The following NECAB2 variants were observed in gnomAD, a reference collection of about 807,000 sequenced individuals.
The protein encoded by NECAB2 is N-terminal EF-hand calcium binding protein 2.
NECAB2 carries 68 observed loss-of-function variants against 51.9 expected under a neutral mutation model. That is an observed-to-expected ratio of 1.31 (90% CI 1.08 to 1.60). The LOEUF is 1.60. Ranked by LOEUF, NECAB2 falls within the 40% of genes most tolerant of loss-of-function variation. The pLI is 0.00. For missense variants in NECAB2, 854 were observed against 490.3 expected (o/e 1.74, Z -7.00); for synonymous variants, 329 against 203.5 (o/e 1.62, Z -5.25).
At position 83,998,337 on chromosome 16, in the gene NECAB2, G is replaced by T. The variant is rs374185082; in HGVS notation, c.962+20G>T. On this transcript the variant is annotated intron_variant, in intron 10 of 12. Transcript: ENST00000305202. ...CTTCCAGTGAGTGAGCTGCCGAGGC[G>T]TGGGTGGGATGGTGGCAGGGAGCTC... is the stretch of plus-strand genomic sequence containing the variant. 1.9e-6 allele frequency: 3 copies of T among 1,609,492 alleles called. No homozygotes were observed. Among genetic ancestry groups the T allele is most frequent in the Non-Finnish European group, 2.5e-6 (3 of 1,177,396 alleles).
Position 83,997,244 on chromosome 16 carries a change from T to C in NECAB2, c.824T>C (p.Leu275Pro), listed in dbSNP as rs561273293. 5.6e-6 allele frequency: 9 copies of C among 1,614,130 alleles called. No homozygotes were observed. Among genetic ancestry groups the C allele is most frequent in the African/African-American group, 2.7e-5 (2 of 75,042 alleles). The stretch of plus-strand genomic sequence containing the variant: ...CTGTGGTTCGACCTGCAGCAGCGCC[T>C]GTCAGATGAAGATGGCACCAACATG... The part of the protein sequence containing the change: ...KALWFDLQQR[L>P]SDEDGTNMHL... Residue 275 changes from leucine (L) to proline (P), a missense_variant, in exon 9 of 13, where the codon CTG (leucine) becomes CCG (proline). Coordinates refer to ENST00000305202, the MANE Select transcript of NECAB2 (RefSeq NM_019065.3).
At chr16:83,989,645 A>C (rs1441819845) in intron 5 of NECAB2, among the ~76,000 whole-genome samples, 1 of 152,042 alleles carries the variant, frequency 6.6e-6, no homozygotes, top group East Asian at 1.9e-4. Context: ...CATCATTTTC[A>C]TCATCCCGTC....
At chr16:83,988,192 C>CT (rs1181048145) in intron 5 of NECAB2, among the ~76,000 whole-genome samples, 1 of 152,070 alleles carries the variant, frequency 6.6e-6, no homozygotes, top group Admixed American at 6.6e-5. Context: ...TTCGGGCCAC[C>CT]TTTTTTATTA....
chr16:83,969,451 C>G (rs2084325056), intron 1 of NECAB2, among the ~76,000 whole-genome samples: 1 of 152,074 alleles, frequency 6.6e-6, no homozygotes, highest in Non-Finnish European at 1.5e-5. Context: ...CAGCCCTGAG[C>G]TGGTACCCCT....
At chr16:84,000,615 A>T in intron 10 of NECAB2, 109 bp from the exon 11 acceptor site, 1 of 782,700 alleles carries the variant, frequency 1.3e-6, no homozygotes, top group Non-Finnish European at 2.1e-6. Flanking sequence ...AGAAACATTG[A>T]AGGCAGCCGT....
intron 2 of NECAB2, among the ~76,000 whole-genome samples, chr16:83,977,752 C>G (rs1255684839): frequency 2.0e-5 from 3 of 152,204 alleles, no homozygotes; most frequent in Non-Finnish European, 2.9e-5. Flanking sequence ...TCATGCCGGC[C>G]ATTGGCAGCC....
chr16:83,976,082 C>A (rs190088406), intron 2 of NECAB2, among the ~76,000 whole-genome samples: 1 of 152,236 alleles, frequency 6.6e-6, no homozygotes, highest in East Asian at 1.9e-4. Context: ...GCAGAGGGGG[C>A]CCAAGGTACC....
At chr16:83,998,841 G>C (rs189298894) in intron 10 of NECAB2, among the ~76,000 whole-genome samples, 105 of 152,270 alleles carry the variant, frequency 6.9e-4, no homozygotes, top group Non-Finnish European at 1.3e-3. Flanking sequence ...CGGGGCAAGC[G>C]GCCTTACCTT....
At position 83,990,397 on chromosome 16, in the gene NECAB2, C is replaced by T. The variant is rs1597214675; in HGVS notation, c.460-97C>T. ...CTCCCTTCCCTTTGCAAAGCAAATT[C>T]ACCAGCACCAGCTTTCCCCCAACTC... is the stretch of plus-strand genomic sequence containing the variant. On this transcript the variant is annotated intron_variant, in intron 5 of 12. Coordinates refer to ENST00000305202, the MANE Select transcript of NECAB2 (RefSeq NM_019065.3). 11 of 1,489,832 alleles carry T rather than the reference C, an allele frequency of 7.4e-6. No homozygotes were observed. In the East Asian group the frequency reaches 2.5e-4, roughly 34 times the overall value. The allele number at this position is 1,489,832 out of a possible 1,614,324, so 92.3% of individuals were successfully genotyped here.
chr16:83,987,648 C>T (rs1489425283), intron 5 of NECAB2, among the ~76,000 whole-genome samples: 2 of 152,106 alleles, frequency 1.3e-5, no homozygotes, highest in Non-Finnish European at 2.9e-5. Flanking sequence ...TTTTCAAAAG[C>T]ATCATTTAAA....
chr16:83,981,673 G>A (rs2084491443), intron 5 of NECAB2, among the ~76,000 whole-genome samples: 1 of 152,130 alleles, frequency 6.6e-6, no homozygotes, highest in Admixed American at 6.5e-5. Context: ...CTGCTGGCTG[G>A]GATGAGTGGG....
intron 1 of NECAB2, among the ~76,000 whole-genome samples, chr16:83,970,440 G>T (rs2084335606): frequency 6.6e-6 from 1 of 152,128 alleles, no homozygotes; most frequent in African/African-American, 2.4e-5. Flanking sequence ...AGGGCTTGGG[G>T]ATCTGAGGTT....
intron 5 of NECAB2, among the ~76,000 whole-genome samples, chr16:83,984,670 G>A (rs2084530232): frequency 1.3e-5 from 2 of 152,122 alleles, no homozygotes; most frequent in South Asian, 4.1e-4. Flanking sequence ...AGTCGAGGCT[G>A]CAGTGAGGCA....
intron 10 of NECAB2, among the ~76,000 whole-genome samples, chr16:83,998,953 T>G (rs1451396038): frequency 6.6e-6 from 1 of 152,156 alleles, no homozygotes; most frequent in South Asian, 2.1e-4. Flanking sequence ...AACAGCCCTT[T>G]GTTCTTGCTG....
At chr16:83,994,803 A>G in intron 8 of NECAB2, 115 bp downstream of exon 8, 1 of 1,200,954 alleles carries the variant, frequency 8.3e-7, no homozygotes, top group Non-Finnish European at 1.2e-6. Flanking sequence ...GAACCATGAA[A>G]AAGACATCCC....
intron 5 of NECAB2, among the ~76,000 whole-genome samples, chr16:83,989,060 G>C (rs1157530477): frequency 6.6e-6 from 1 of 152,138 alleles, no homozygotes; most frequent in Non-Finnish European, 1.5e-5. Context: ...ACTGGTCCGG[G>C]TGCTTTTAAC....
intron 10 of NECAB2, 34 bp from the exon 11 acceptor site, chr16:84,000,690 C>G (rs770028876): frequency 2.5e-6 from 4 of 1,608,000 alleles, no homozygotes; most frequent in African/African-American, 2.7e-5. Context: ...TGGTTGAGCT[C>G]CAGCCTCCTC....
At chr16:83,974,532 C>T (rs879347241) in intron 2 of NECAB2, among the ~76,000 whole-genome samples, 3 of 152,134 alleles carry the variant, frequency 2.0e-5, no homozygotes, top group Non-Finnish European at 2.9e-5. Flanking sequence ...AGTCACTGAA[C>T]GTCTGTTATG....
rs922630423 is a variant in NECAB2, at chr16:84,002,189, C to T, written c.1133-129C>T. ...GGTGTGTGGTTTGCACCTGGGTGAC[C>T]AGCAAGGACCTGTGTGTCACACAAG... On this transcript the variant is annotated intron_variant, in intron 12 of 12. Coordinates refer to ENST00000305202, the MANE Select transcript of NECAB2 (RefSeq NM_019065.3). The T allele has an allele frequency of 3.2e-6, 4 of 1,237,142 alleles. No homozygotes were observed. In the African/African-American group the frequency reaches 4.5e-5, roughly 14 times the overall value. The allele number at this position is 1,237,142 out of a possible 1,614,324, so 76.6% of individuals were successfully genotyped here. A position where few individuals can be genotyped will look rare whatever the true frequency, so the allele number is the denominator to read the frequency against.
Sources: allele counts gnomAD v4.1 joint callset (sites outside exome capture counted in the v4.1 genomes callset), GRCh38; gene constraint gnomAD v4.1.1; transcripts MANE v1.5; gene names NCBI Gene and HGNC (gene_info 2026-07-23, HGNC 2026-07-21).